Variants in SLC11A1 observed in about 807,000 individuals in gnomAD.
SLC11A1 encodes solute carrier family 11 member 1, also known as natural resistance-associated macrophage protein 1.
Under a neutral mutation model 63.2 loss-of-function variants are expected in SLC11A1, and 59 were observed. That is an observed-to-expected ratio of 0.93 (90% CI 0.76 to 1.16). SLC11A1 has a LOEUF of 1.16. Among genes scored for constraint, SLC11A1 ranks in the 50% most tolerant of loss-of-function variants. The probability of loss-of-function intolerance (pLI) is 0.00; values close to 1 mark genes in which losing one functional copy is unlikely to be tolerated. For synonymous variants in SLC11A1, 305 were observed against 307.8 expected, an observed-to-expected ratio of 0.99 and a Z score of 0.09; for missense variants, 688 against 730.7, an observed-to-expected ratio of 0.94 and a Z score of 0.67.
At chr2:218,386,996 C>G (rs1432112670) in intron 5 of SLC11A1, 164 bp from the exon 6 acceptor site, 3 of 699,428 alleles carry the variant, frequency 4.3e-6, no homozygotes, top group Non-Finnish European at 7.6e-6. Context: ...TCTGCCCTGC[C>G]TCGACTGTTC....
In SLC11A1 at chr2:218,385,033, T is replaced by G. The variant is rs192244542; in HGVS notation, c.274-114T>G. The G allele has an allele frequency of 5.9e-5, 84 of 1,421,734 alleles. No individual in the cohort carries two copies. In the Admixed American group the frequency reaches 1.4e-3, roughly 24 times the overall value. 88.1% of individuals were successfully genotyped at this position (1,421,734 alleles called of 1,614,324 possible). ...TACCAGCGCCCAGCCAGGATGGGAC[T>G]CCATCTCTCCCACCCCCTCCCCGAG... On this transcript the variant is annotated intron_variant, in intron 3 of 14. Coordinates refer to ENST00000233202, the MANE Select transcript of SLC11A1 (RefSeq NM_000578.4).
chr2:218,385,276 G>C lies in SLC11A1; in HGVS notation c.393+10G>C, dbSNP rs374153793. 1.3e-4 allele frequency: 215 copies of C among 1,613,830 alleles called. No homozygotes were observed. In the African/African-American group the frequency reaches 2.1e-3, roughly 16 times the overall value. On this transcript the variant is annotated intron_variant, in intron 4 of 14. Coordinates refer to ENST00000233202, the MANE Select transcript of SLC11A1 (RefSeq NM_000578.4). Reference sequence around the variant, plus strand: ...TCTCTACTACCCTAAGGTGAGCTTGGGGGGCCTGGACAGGGAGAACCACTG... The same window carrying C: ...TCTCTACTACCCTAAGGTGAGCTTGCGGGGCCTGGACAGGGAGAACCACTG...
Position 218,391,438 on chromosome 2 carries a change from G to C in SLC11A1, c.1107G>C (p.Leu369=), listed in dbSNP as rs753572209. 6.2e-7 allele frequency: 1 copy of C among 1,613,572 alleles called. No individual in the cohort carries two copies. Among genetic ancestry groups the C allele is most frequent in the South Asian group, 1.1e-5 (1 of 90,956 alleles). The part of the protein sequence containing the change: ...AALYIWAIGL[L]AAGQSSTMTG... Reference sequence around the variant, plus strand: ...TCTACATCTGGGCCATAGGTCTCCTGGCGGCTGGGCAGAGCTCCACCATGA... The same window carrying C: ...TCTACATCTGGGCCATAGGTCTCCTCGCGGCTGGGCAGAGCTCCACCATGA... The change falls in exon 11 of 15, where the codon CTG becomes CTC. Residue 369 remains leucine, a synonymous_variant. Coordinates refer to ENST00000233202, the MANE Select transcript of SLC11A1 (RefSeq NM_000578.4).
chr2:218,394,581 A>T lies in SLC11A1; in HGVS notation c.1389-51A>T, dbSNP rs369731313. 17 of 1,589,148 alleles carry T rather than the reference A, an allele frequency of 1.1e-5. No homozygotes were observed. The South Asian group carries it at 1.9e-4, about 18-fold the overall frequency. On this transcript the variant is annotated intron_variant, in intron 13 of 14. Coordinates refer to ENST00000233202, the MANE Select transcript of SLC11A1 (RefSeq NM_000578.4). ...CTGGGAGATGAAGAGGAGTTGATGCAGGTGGGCCAGCAGCAACCAGCCAGT... is the reference window on the plus strand; with the variant it reads ...CTGGGAGATGAAGAGGAGTTGATGCTGGTGGGCCAGCAGCAACCAGCCAGT...
chr2:218,392,904 G>A lies in SLC11A1; in HGVS notation c.1165-77G>A. 2.5e-6 allele frequency: 3 copies of A among 1,216,336 alleles called. No individual in the cohort carries two copies. In the South Asian group the frequency reaches 4.3e-5, roughly 18 times the overall value. The allele number at this position is 1,216,336 out of a possible 1,614,324, so 75.3% of individuals were successfully genotyped here. ...GCATGCCCCCAGGGATAAATCGGTTGAGGGACTACAGAGGATCTCTCCTCT... is the reference window on the plus strand; with the variant it reads ...GCATGCCCCCAGGGATAAATCGGTTAAGGGACTACAGAGGATCTCTCCTCT... On this transcript the variant is annotated intron_variant, in intron 11 of 14. Transcript: ENST00000233202.
At chr2:218,393,241 C>A (rs986494875) in intron 12 of SLC11A1, 111 bp downstream of exon 12, 2 of 1,155,418 alleles carry the variant, frequency 1.7e-6, no homozygotes, top group Non-Finnish European at 2.3e-6. Context: ...CCAGGCACAT[C>A]TTGCCTACAA....
In SLC11A1 at chr2:218,384,420, A is replaced by G. The variant is rs1695967492; in HGVS notation, c.273+55A>G. ...CTTTCGAGAGGGAGGTGACCAGGCT[A>G]AGTGTTGAAGGCCCCTGCTGGCCAT... On this transcript the variant is annotated intron_variant, in intron 3 of 14. Transcript: ENST00000233202. This position sits in a 1 kb window ranked among gnomAD's most constrained non-coding sequence, Gnocchi z 4.0. 2 of 1,554,318 alleles carry G rather than the reference A, an allele frequency of 1.3e-6. No homozygotes were observed. Among genetic ancestry groups the G allele is most frequent in the Non-Finnish European group, 8.8e-7 (1 of 1,138,680 alleles).
chr2:218,385,084 C>T (rs935256329), intron 3 of SLC11A1, 63 bp from the exon 4 acceptor site: 26 of 1,603,564 alleles, frequency 1.6e-5, no homozygotes, highest in Middle Eastern at 3.5e-4. Flanking sequence ...GAGGGTACCA[C>T]GAGCTCAGGG....
intron 5 of SLC11A1, 198 bp downstream of exon 5, chr2:218,386,939 C>T: frequency 1.5e-6 from 1 of 646,504 alleles, no homozygotes. Context: ...TTTGGGACTG[C>T]AGCCCCAAAC....
chr2:218,384,461 C>A lies in SLC11A1; in HGVS notation c.273+96C>A. On this transcript the variant is annotated intron_variant, in intron 3 of 14. Transcript: ENST00000233202. The surrounding 1 kb of genome is among the most constrained non-coding windows in gnomAD (Gnocchi z 4.0). The stretch of plus-strand genomic sequence containing the variant: ...TGCTGGCCATGTTTCTCCAATGTGG[C>A]CTGGGAGCTGGTGTTAAGTTCAAAT... 1 of 1,443,918 alleles carries A rather than the reference C, an allele frequency of 6.9e-7. No individual in the cohort carries two copies. The highest frequency in any genetic ancestry group is 9.4e-7 in the Non-Finnish European group (1 of 1,068,762). 89.4% of individuals were successfully genotyped at this position (1,443,918 alleles called of 1,614,324 possible).
Position 218,391,680 on chromosome 2 carries a change from A to C in SLC11A1, c.1164+185A>C, listed in dbSNP as rs183140464. ...GCTCTTGTCGCCCAGGCTGGAGTGC[A>C]GTGGCGCGATCTCGGCTCACTGCAA... On this transcript the variant is annotated intron_variant, in intron 11 of 14. Coordinates refer to ENST00000233202, the MANE Select transcript of SLC11A1 (RefSeq NM_000578.4). The C allele has an allele frequency of 2.9e-3, 2,177 of 738,962 alleles. 17 individuals carry two copies. The highest frequency in any genetic ancestry group is 0.011 in the Middle Eastern group (26 of 2,428). The allele number at this position is 738,962 out of a possible 1,614,324, so 45.8% of individuals were successfully genotyped here.
Position 218,383,023 on chromosome 2 carries a change from C to T in SLC11A1, c.71C>T (p.Pro24Leu), listed in dbSNP as rs142054519. Residue 24 changes from proline (P) to leucine (L), a missense_variant, in exon 2 of 15, where the codon CCG (proline) becomes CTG (leucine). Pro to Leu is a moderately conservative substitution (Grantham distance 98, BLOSUM62 -3). Transcript: ENST00000233202. Reference protein sequence around the residue: ...SYGSISSPTSPTSPGPQQAPP... With the variant: ...SYGSISSPTSLTSPGPQQAPP... ...GGTTCCATCTCCAGCCCGACCAGCCCGACCAGCCCAGGGCCACAGCAAGCA... is the reference window on the plus strand; with the variant it reads ...GGTTCCATCTCCAGCCCGACCAGCCTGACCAGCCCAGGGCCACAGCAAGCA... 93 of 1,614,048 alleles carry T rather than the reference C, an allele frequency of 5.8e-5. No individual in the cohort carries two copies. In the African/African-American group the frequency reaches 9.2e-4, roughly 16 times the overall value.
In SLC11A1 at chr2:218,387,828, C is replaced by A. The variant is rs1264249481; in HGVS notation, c.668C>A (p.Ala223Glu). The A allele has an allele frequency of 6.2e-7, 1 of 1,604,574 alleles. No individual in the cohort carries two copies. Among genetic ancestry groups the A allele is most frequent in the South Asian group, 1.1e-5 (1 of 90,376 alleles). ...GTGGTGGCGCGTCCTGAGCAGGGAG[C>A]GCTTCTTCGGGGCCTGTTCCTGCCC... is the stretch of plus-strand genomic sequence containing the variant. ...EYVVARPEQGALLRGLFLPSC... is the reference protein window; with the variant it reads ...EYVVARPEQGELLRGLFLPSC... The change falls in exon 8 of 15, where the codon GCG (alanine) becomes GAG (glutamate). Residue 223 changes from alanine (A) to glutamate (E), a missense_variant. Coordinates refer to ENST00000233202, the MANE Select transcript of SLC11A1 (RefSeq NM_000578.4).
Position 218,384,645 on chromosome 2 carries a change from G to C in SLC11A1, c.273+280G>C, listed in dbSNP as rs145278292. The C allele has an allele frequency of 6.5e-3, 1,008 of 155,314 alleles. 13 individuals carry two copies. The highest frequency in any genetic ancestry group is 0.023 in the African/African-American group (960 of 41,524). 9.6% of individuals were successfully genotyped at this position (155,314 alleles called of 1,614,324 possible). ...AGACTCAGTCTCACTCGGTCACCCA[G>C]GCTGGAGTGCAGTGGCACAATCTCG... On this transcript the variant is annotated intron_variant, in intron 3 of 14. Transcript: ENST00000233202. This position sits in a 1 kb window ranked among gnomAD's most constrained non-coding sequence, Gnocchi z 4.0.
rs1263533984 is a variant in SLC11A1 at position 218,394,734 on chromosome 2, C to A, written c.1491C>A (p.Phe497Leu). 1 of 1,613,820 alleles carries A rather than the reference C, an allele frequency of 6.2e-7. No individual in the cohort carries two copies. The highest frequency in any genetic ancestry group is 2.2e-5 in the East Asian group (1 of 44,904). ...CCAGCCTGCCCCACCCTGCCTACTT[C>A]GGCCTTGCAGCCTTGCTGGCCGCAG... ...YLPSLPHPAY[F>L]GLAALLAAAY... is the part of the protein sequence containing the mutation. The change falls in exon 14 of 15, where the codon TTC becomes TTA. Residue 497 changes from phenylalanine to leucine, a missense_variant. By Grantham distance (22) the Phe-to-Leu change is conservative (BLOSUM62 0). Transcript: ENST00000233202.
At chr2:218,394,585 G>A (rs373503048) in intron 13 of SLC11A1, 47 bp from the exon 14 acceptor site, 121 of 1,593,870 alleles carry the variant, frequency 7.6e-5, no homozygotes, top group Non-Finnish European at 9.0e-5. Context: ...TGATGCAGGT[G>A]GGCCAGCAGC....
intron 12 of SLC11A1, 151 bp downstream of exon 12, chr2:218,393,281 G>A (rs973445118): frequency 5.3e-6 from 4 of 748,216 alleles, no homozygotes; most frequent in Non-Finnish European, 7.8e-6. Context: ...GCCACCCTGG[G>A]GGGCAGGAGG....
intron 4 of SLC11A1, 178 bp downstream of exon 4, chr2:218,385,444 G>T (rs753131883): frequency 3.0e-5 from 24 of 790,430 alleles, no homozygotes; most frequent in Non-Finnish European, 4.6e-5. Context: ...AGTCAGGAGT[G>T]CAATGGTGCG....
rs1696813668 is a variant in SLC11A1 at position 218,396,830 on chromosome 2, A to C, written c.*1795A>C. On this transcript the variant is annotated 3_prime_UTR_variant, in exon 15 of 15. Coordinates refer to ENST00000233202, the MANE Select transcript of SLC11A1 (RefSeq NM_000578.4). ...TGGCATTGAGTGCCAGTCCTCTGCC[A>C]GGCTCTGTGTTACAAGTTGGGGAGG... 6.6e-6 allele frequency: 1 copy of C among 152,604 alleles called. No individual in the cohort carries two copies. Among genetic ancestry groups the C allele is most frequent in the Admixed American group, 6.5e-5 (1 of 15,272 alleles). 9.5% of individuals were successfully genotyped at this position (152,604 alleles called of 1,614,324 possible).
Sources: gnomAD v4.1 joint callset for allele counts on GRCh38, gnomAD v4.1.1 for gene constraint, Gnocchi (gnomAD v3.1) non-coding constraint, MANE v1.5 for transcripts, NCBI Gene and HGNC (gene_info 2026-07-23, HGNC 2026-07-21) for gene names.